The following RERE variants were observed in gnomAD, a reference collection of about 807,000 sequenced individuals.
RERE encodes arginine-glutamic acid dipeptide repeats, also known as arginine-glutamic acid dipeptide repeats protein.
RERE carries 40 observed loss-of-function variants against 146.1 expected under a neutral mutation model. That is an observed-to-expected ratio of 0.27 (90% confidence interval 0.21 to 0.36). The LOEUF is 0.36. RERE is among the 10% of genes least tolerant of loss of function. The pLI is 1.00. For missense variants in RERE, 1,933 were observed against 2,138.7 expected, an observed-to-expected ratio of 0.90 and a Z score of 1.90; for synonymous variants, 1,003 against 866.0, an observed-to-expected ratio of 1.16 and a Z score of -2.78.
chr1:8,701,669 C>A (rs1017808124), intron 1 of RERE, among the ~76,000 whole-genome samples: 2 of 152,178 alleles, frequency 1.3e-5, no homozygotes, highest in Non-Finnish European at 2.9e-5. Context: ...TCAAGTGCAG[C>A]CTGCCAAGCG....
At chr1:8,369,517 A>T (rs1641947713) in intron 12 of RERE, among the ~76,000 whole-genome samples, 1 of 127,232 alleles carries the variant, frequency 7.9e-6, no homozygotes, top group Non-Finnish European at 1.6e-5. Flanking sequence ...CTAAAAAAAA[A>T]AAAAAAAAAA....
intron 1 of RERE, among the ~76,000 whole-genome samples, chr1:8,754,012 T>G (rs1640588742): frequency 6.6e-6 from 1 of 152,170 alleles, no homozygotes; most frequent in Non-Finnish European, 1.5e-5. Context: ...CATATACCCC[T>G]AATTCTGGCT....
At chr1:8,634,950 T>G (rs889367599) in intron 2 of RERE, among the ~76,000 whole-genome samples, 5 of 152,204 alleles carry the variant, frequency 3.3e-5, no homozygotes, top group Admixed American at 2.0e-4. Context: ...TTAGCCAGGA[T>G]GGTCTTGATC....
intron 1 of RERE, among the ~76,000 whole-genome samples, chr1:8,711,937 T>TA (rs1186616019): frequency 7.9e-5 from 12 of 152,308 alleles, no homozygotes; most frequent in Non-Finnish European, 7.4e-5. Context: ...TACTTTAAAA[T>TA]AAAATTACAC....
intron 6 of RERE, among the ~76,000 whole-genome samples, chr1:8,546,254 TAC>T (rs1170082624): frequency 6.6e-6 from 1 of 151,238 alleles, no homozygotes; most frequent in Admixed American, 6.6e-5. Context: ...ATGTTGGGAC[TAC>T]AGGTGTGGGC....
intron 2 of RERE, among the ~76,000 whole-genome samples, chr1:8,635,628 G>A (rs1031205513): frequency 6.6e-6 from 1 of 152,058 alleles, no homozygotes; most frequent in Non-Finnish European, 1.5e-5. Flanking sequence ...GAACATCTGC[G>A]AAGACAAAAT....
intron 1 of RERE, among the ~76,000 whole-genome samples, chr1:8,701,246 T>C (rs887148630): frequency 6.7e-6 from 1 of 149,958 alleles, no homozygotes; most frequent in African/African-American, 2.5e-5. Flanking sequence ...AAAAAATGAA[T>C]TGCCATATAG....
intron 1 of RERE, among the ~76,000 whole-genome samples, chr1:8,788,584 C>T (rs1032465657): frequency 4.0e-5 from 6 of 151,550 alleles, no homozygotes; most frequent in African/African-American, 9.7e-5. Flanking sequence ...AGGCTGGTCT[C>T]GAACTCCTGA....
At chr1:8,742,785 C>T (rs138902986) in intron 1 of RERE, among the ~76,000 whole-genome samples, 1 of 150,904 alleles carries the variant, frequency 6.6e-6, no homozygotes, top group Non-Finnish European at 1.5e-5. Flanking sequence ...GGAGGATCAC[C>T]TGAACCTGGG....
At chr1:8,543,111 G>C (rs981427765) in intron 6 of RERE, among the ~76,000 whole-genome samples, 1 of 152,168 alleles carries the variant, frequency 6.6e-6, no homozygotes, top group Non-Finnish European at 1.5e-5. Context: ...TCTATTAGAA[G>C]TGCTATAGTA....
At chr1:8,566,184 C>T (rs1025334393) in intron 4 of RERE, among the ~76,000 whole-genome samples, 1 of 152,152 alleles carries the variant, frequency 6.6e-6, no homozygotes, top group Non-Finnish European at 1.5e-5. Flanking sequence ...TCCACAGGGT[C>T]GTCTTCTGCA....
At chr1:8,731,042 A>G (rs963391260) in intron 1 of RERE, among the ~76,000 whole-genome samples, 4 of 152,300 alleles carry the variant, frequency 2.6e-5, no homozygotes, top group African/African-American at 9.6e-5. Context: ...ATTTGAAGGA[A>G]AAAAATCACA....
chr1:8,368,428 C>G (rs920849108), intron 12 of RERE, among the ~76,000 whole-genome samples: 1 of 149,158 alleles, frequency 6.7e-6, no homozygotes, highest in African/African-American at 2.5e-5. Context: ...GAGCCGAGAT[C>G]GTGCCACTGC....
At chr1:8,642,091 T>A (rs115366361) in intron 2 of RERE, among the ~76,000 whole-genome samples, 3,887 of 152,316 alleles carry the variant, frequency 0.026, 147 homozygotes, top group African/African-American at 0.088. Flanking sequence ...TAAATAATTT[T>A]ATAGTTGAAA....
At chr1:8,359,403 T>C (rs1039039779) in intron 19 of RERE, among the ~76,000 whole-genome samples, 1 of 152,122 alleles carries the variant, frequency 6.6e-6, no homozygotes, top group African/African-American at 2.4e-5. Context: ...ATCGCCTGAG[T>C]GCTCAGGTCT....
chr1:8,380,624 G>C, intron 12 of RERE: 1 of 356,226 alleles, frequency 2.8e-6, no homozygotes. Context: ...TGGGATTACA[G>C]GCGTGAGCCA....
intron 1 of RERE, among the ~76,000 whole-genome samples, chr1:8,723,547 G>C (rs1447940076): frequency 6.6e-6 from 1 of 152,148 alleles, no homozygotes; most frequent in African/African-American, 2.4e-5. Flanking sequence ...TCATGGCCTA[G>C]TAAGTTTGAG....
intron 3 of RERE, among the ~76,000 whole-genome samples, chr1:8,615,395 T>C (rs749668579): frequency 1.3e-5 from 2 of 152,232 alleles, no homozygotes; most frequent in African/African-American, 2.4e-5. Context: ...CACGTGTCTT[T>C]TTAAAATTAA....
At chr1:8,410,269 C>T (rs1011044350) in intron 12 of RERE, among the ~76,000 whole-genome samples, 3 of 152,080 alleles carry the variant, frequency 2.0e-5, no homozygotes, top group East Asian at 1.9e-4. Flanking sequence ...TCTTTGTAGA[C>T]ATCAATTTTT....
Sources: gnomAD v4.1 joint callset for allele counts (sites outside exome capture counted in the v4.1 genomes callset) on GRCh38, gnomAD v4.1.1 for gene constraint, MANE v1.5 for transcripts, NCBI Gene and HGNC (gene_info 2026-07-23, HGNC 2026-07-21) for gene names.